The following MNS1 variants were observed in gnomAD, a reference collection of about 807,000 sequenced individuals.
The protein encoded by MNS1 is meiosis-specific nuclear structural protein 1.
In MNS1, 63 loss-of-function variants were observed where a neutral mutation model predicts 72.0. The observed-to-expected ratio is 0.87, with a 90% CI of 0.71 to 1.08. MNS1 has a LOEUF of 1.08. Among genes scored for constraint, MNS1 ranks in the 50% least tolerant of loss-of-function variants. The pLI, the probability that MNS1 is intolerant of heterozygous loss-of-function variation, is 0.00. For synonymous variants in MNS1, 188 were observed against 172.1 expected (o/e 1.09, Z -0.72); for missense variants, 604 against 562.4 (o/e 1.07, Z -0.75).
chr15:56,455,995 T>C (rs1178446654), intron 3 of MNS1, among the ~76,000 whole-genome samples: 1 of 152,158 alleles, frequency 6.6e-6, no homozygotes, highest in Non-Finnish European at 1.5e-5. Context: ...CTAAAGTTCC[T>C]ACTGCAGTTA....
intron 9 of MNS1, among the ~76,000 whole-genome samples, 193 bp downstream of exon 9, chr15:56,431,180 T>A (rs1324209636): frequency 2.0e-5 from 3 of 152,144 alleles, no homozygotes; most frequent in Admixed American, 6.6e-5. Flanking sequence ...CATCTAATAA[T>A]GTGCTAAGAC....
At chr15:56,451,126 C>A (rs1025835297) in intron 3 of MNS1, among the ~76,000 whole-genome samples, 1 of 152,082 alleles carries the variant, frequency 6.6e-6, no homozygotes, top group Non-Finnish European at 1.5e-5. Context: ...GATATTAAAT[C>A]CTTATCAGAG....
intron 7 of MNS1, among the ~76,000 whole-genome samples, chr15:56,437,692 G>A (rs1272347829): frequency 2.6e-5 from 4 of 152,198 alleles, no homozygotes; most frequent in Non-Finnish European, 4.4e-5. Context: ...GTTTGCAGAT[G>A]ACATGATTGT....
intron 3 of MNS1, among the ~76,000 whole-genome samples, chr15:56,452,853 A>G (rs1390893601): frequency 2.0e-5 from 3 of 152,108 alleles, no homozygotes; most frequent in Admixed American, 2.0e-4. Context: ...GCCACAGTGA[A>G]TCATCCTCAG....
At chr15:56,442,135 C>T (rs909762255) in intron 7 of MNS1, among the ~76,000 whole-genome samples, 6 of 152,036 alleles carry the variant, frequency 3.9e-5, no homozygotes, top group African/African-American at 1.4e-4. Context: ...TGAAAAAGTG[C>T]TCAATATCAC....
Position 56,464,074 on chromosome 15 carries a change from T to C in MNS1, c.177A>G (p.Leu59=). The C allele has an allele frequency of 6.2e-7, 1 of 1,614,042 alleles. No individual in the cohort carries two copies. Among genetic ancestry groups the C allele is most frequent in the Non-Finnish European group, 8.5e-7 (1 of 1,180,000 alleles). The change falls in exon 2 of 10, where the codon TTA becomes TTG. Residue 59 remains leucine (L), a synonymous_variant. Transcript: ENST00000260453. ...NRVQRKQFLR[L]LQNEQFELDM... is the part of the protein sequence containing the mutation. ...CCAACTCAAATTGTTCATTTTGTAATAATCTGAGAAATTGCTTGCGCTGAA... is the reference window on the plus strand; with the variant it reads ...CCAACTCAAATTGTTCATTTTGTAACAATCTGAGAAATTGCTTGCGCTGAA...
In MNS1 at chr15:56,434,251, C is replaced by G. The variant is rs145161862; in HGVS notation, c.1156G>C (p.Asp386His). ...GCATTCATTAATTCTATTCGATCAT[C>G]CTCAGCAAATTTAGCTAGCATAGTT... is the stretch of plus-strand genomic sequence containing the variant. ...RKTMLAKFAE[D>H]DRIELMNAQK... is the part of the protein sequence containing the mutation. The change falls in exon 8 of 10, where the codon GAT becomes CAT. Residue 386 changes from aspartate (D) to histidine (H), a missense_variant. By Grantham distance (81) the Asp-to-His change is moderately conservative. Coordinates refer to ENST00000260453, the MANE Select transcript of MNS1 (RefSeq NM_018365.4). 122 of 1,613,906 alleles carry G rather than the reference C, an allele frequency of 7.6e-5. No individual in the cohort carries two copies. In the African/African-American group the frequency reaches 1.4e-3, roughly 18 times the overall value.
intron 7 of MNS1, among the ~76,000 whole-genome samples, chr15:56,435,075 G>A (rs1404015189): frequency 1.3e-5 from 2 of 152,014 alleles, no homozygotes; most frequent in Non-Finnish European, 2.9e-5. Context: ...AAGAGGGAAT[G>A]CCAAGGAAAA....
chr15:56,461,978 T>G (rs55896505), intron 2 of MNS1, among the ~76,000 whole-genome samples: 1,584 of 5,566 alleles, frequency 0.28, 67 homozygotes, highest in Middle Eastern at 0.44. Context: ...TGTTGTTGTT[T>G]TTTTTTTTTT....
At chr15:56,463,611 G>A (rs1413006833) in intron 2 of MNS1, among the ~76,000 whole-genome samples, 2 of 151,936 alleles carry the variant, frequency 1.3e-5, no homozygotes, top group Admixed American at 1.3e-4. Flanking sequence ...GTGAAACCCC[G>A]TCTCTACTAA....
At chr15:56,441,863 G>GA (rs1364053753) in intron 7 of MNS1, among the ~76,000 whole-genome samples, 1 of 151,216 alleles carries the variant, frequency 6.6e-6, no homozygotes, top group East Asian at 1.9e-4. Flanking sequence ...AAATACAAAA[G>GA]AAAAAAATTA....
chr15:56,464,337 A>G, intron 1 of MNS1, 90 bp from the exon 2 acceptor site: 1 of 938,066 alleles, frequency 1.1e-6, no homozygotes, highest in Non-Finnish European at 1.6e-6. Flanking sequence ...GTAAGAAAGG[A>G]TACGAAGAGC....
chr15:56,436,315 C>T lies in MNS1; in HGVS notation c.1012-1920G>A, dbSNP rs571355007. Among the ~76,000 whole-genome samples, 7 of 152,314 alleles carry T rather than the reference C, an allele frequency of 4.6e-5. No individual in the cohort carries two copies. In the East Asian group the frequency reaches 1.3e-3, roughly 29 times the overall value. ...GGATTAAGAAACTCACTCAAAACCG[C>T]TCAGCTACATGGAAAGTGAACAACC... On this transcript the variant is annotated intron_variant, in intron 7 of 9. Coordinates refer to ENST00000260453, the MANE Select transcript of MNS1 (RefSeq NM_018365.4).
intron 3 of MNS1, among the ~76,000 whole-genome samples, chr15:56,448,686 C>T (rs1233498441): frequency 2.0e-5 from 3 of 151,402 alleles, no homozygotes; most frequent in Non-Finnish European, 4.4e-5. Context: ...AATAGCACAG[C>T]AATAAACATA....
chr15:56,447,103 G>A, intron 3 of MNS1, 160 bp from the exon 4 acceptor site: 1 of 564,822 alleles, frequency 1.8e-6, no homozygotes, highest in African/African-American at 1.9e-5. Flanking sequence ...TTTAATGGAT[G>A]CCTTTAGGGC....
chr15:56,453,926 G>T (rs1402327713), intron 3 of MNS1, among the ~76,000 whole-genome samples: 1 of 151,918 alleles, frequency 6.6e-6, no homozygotes, highest in Admixed American at 6.6e-5. Context: ...TCTTAATATA[G>T]GTGATTTTAA....
At chr15:56,461,130 C>CT (rs1313410196) in intron 2 of MNS1, among the ~76,000 whole-genome samples, 1 of 152,160 alleles carries the variant, frequency 6.6e-6, no homozygotes, top group Non-Finnish European at 1.5e-5. Flanking sequence ...AGGCCTTCAA[C>CT]TGATCGGATG....
At chr15:56,455,417 A>G (rs1283821423) in intron 3 of MNS1, among the ~76,000 whole-genome samples, 2 of 152,142 alleles carry the variant, frequency 1.3e-5, no homozygotes, top group African/African-American at 4.8e-5. Context: ...GTGGAGCCAG[A>G]AAAATACACA....
chr15:56,452,019 T>G (rs2050950741), intron 3 of MNS1, among the ~76,000 whole-genome samples: 1 of 152,200 alleles, frequency 6.6e-6, no homozygotes, highest in Non-Finnish European at 1.5e-5. Flanking sequence ...TTCAAATATG[T>G]TTACTATAAC....
Sources: allele counts gnomAD v4.1 joint callset (sites outside exome capture counted in the v4.1 genomes callset), GRCh38; gene constraint gnomAD v4.1.1; transcripts MANE v1.5; gene names NCBI Gene and HGNC (gene_info 2026-07-23, HGNC 2026-07-21).